The following NRXN2 variants were observed in gnomAD, a reference collection of about 807,000 sequenced individuals.
NRXN2 encodes neurexin-2-beta.
NRXN2 carries 29 observed loss-of-function variants against 128.8 expected under a neutral mutation model. The ratio of observed to expected loss-of-function variants is 0.23; its 90% CI spans 0.17 to 0.31. The LOEUF is 0.31. NRXN2 is among the 10% of genes least tolerant of loss of function. The pLI, the probability that NRXN2 is intolerant of heterozygous loss-of-function variation, is 1.00. For missense variants in NRXN2, 1,881 were observed against 2,452.6 expected (o/e 0.77, Z 4.92); for synonymous variants, 1,098 against 1,075.2 (o/e 1.02, Z -0.41).
At chr11:64,717,027 T>G (rs1253161309) in intron 1 of NRXN2, among the ~76,000 whole-genome samples, 1 of 151,608 alleles carries the variant, frequency 6.6e-6, no homozygotes, top group Non-Finnish European at 1.5e-5. Context: ...CCTGCTACCC[T>G]GGGATGCTCC....
chr11:64,697,697 G>A, intron 3 of NRXN2, 78 bp downstream of exon 3: 6 of 1,545,822 alleles, frequency 3.9e-6, no homozygotes, highest in Non-Finnish European at 5.4e-6. Flanking sequence ...GAGTCCTTGG[G>A]TAGCCAACGA....
chr11:64,713,036 G>C lies in NRXN2; in HGVS notation c.664C>G (p.Leu222Val). The change falls in exon 2 of 23, where the codon CTG becomes GTG. Residue 222 changes from leucine to valine, a missense_variant. Transcript: ENST00000265459. ...PCANGGLCTV[L>V]APGEVGCDCS... ...TCGCAGCCCACCTCGCCGGGGGCCA[G>C]CACGGTGCAGAGGCCGCCGTTGGCG... is the stretch of plus-strand genomic sequence containing the variant. 9.7e-6 allele frequency: 14 copies of C among 1,450,760 alleles called. No homozygotes were observed. The highest frequency in any genetic ancestry group is 1.3e-5 in the Non-Finnish European group (14 of 1,106,382). 89.9% of individuals were successfully genotyped at this position (1,450,760 alleles called of 1,614,324 possible).
chr11:64,622,342 G>C lies in NRXN2; in HGVS notation c.4173+411C>G, dbSNP rs561455026. Among the ~76,000 whole-genome samples, 59 of 152,290 alleles carry C rather than the reference G, an allele frequency of 3.9e-4. 1 individual carries two copies. The highest frequency in any genetic ancestry group is 1.4e-3 in the African/African-American group (58 of 41,560). On this transcript the variant is annotated intron_variant, in intron 21 of 22. Coordinates refer to ENST00000265459, the MANE Select transcript of NRXN2 (RefSeq NM_015080.4). The surrounding 1 kb of genome is among the most constrained non-coding windows in gnomAD (Gnocchi z 4.3). ...CCCTGCCCACAGCAGGGCCAGCCTG[G>C]TACCATCCATCTCCCACTCTCTGCC...
chr11:64,619,899 G>A (rs1192254673), intron 22 of NRXN2, among the ~76,000 whole-genome samples: 1 of 152,130 alleles, frequency 6.6e-6, no homozygotes, highest in East Asian at 1.9e-4. Flanking sequence ...CAGGCCTCAG[G>A]GGCAGGTGGG....
chr11:64,659,543 G>A (rs993854671), intron 11 of NRXN2: 3 of 152,596 alleles, frequency 2.0e-5, no homozygotes, highest in Non-Finnish European at 4.4e-5. Context: ...CTGAGGGGGA[G>A]GGTCAGCAGC....
intron 7 of NRXN2, among the ~76,000 whole-genome samples, chr11:64,672,419 G>T (rs1395814197): frequency 1.3e-5 from 2 of 152,228 alleles, no homozygotes; most frequent in East Asian, 3.8e-4. Context: ...TTTATCAGTT[G>T]CCTGTGATGA....
rs2046996979 is a variant in NRXN2, at chr11:64,648,325, G to T, written c.3297C>A (p.Thr1099=). ...GGTTGGCACAGGACTCTTCAGTGCAGGTGGTGCTGGGGCCTGGAAGGGGCA... is the reference window on the plus strand; with the variant it reads ...GGTTGGCACAGGACTCTTCAGTGCATGTGGTGCTGGGGCCTGGAAGGGGCA... ...VERGCDGPST[T]CTEESCANQG... Residue 1099 remains threonine (T), a synonymous_variant, in exon 17 of 23, where the codon ACC becomes ACA. Coordinates refer to ENST00000265459, the MANE Select transcript of NRXN2 (RefSeq NM_015080.4). The surrounding 1 kb of genome is among the most constrained non-coding windows in gnomAD (Gnocchi z 4.1). The T allele has an allele frequency of 1.2e-6, 2 of 1,614,142 alleles. No homozygotes were observed. Among genetic ancestry groups the T allele is most frequent in the African/African-American group, 2.7e-5 (2 of 74,950 alleles).
intron 22 of NRXN2, among the ~76,000 whole-genome samples, chr11:64,612,739 G>A (rs1459794063): frequency 6.6e-6 from 1 of 152,268 alleles, no homozygotes; most frequent in Non-Finnish European, 1.5e-5. Flanking sequence ...TTGAGGTTGA[G>A]CATATTCAAG....
intron 2 of NRXN2, among the ~76,000 whole-genome samples, chr11:64,710,314 T>C (rs1376305011): frequency 6.6e-6 from 1 of 152,066 alleles, no homozygotes; most frequent in East Asian, 1.9e-4. Context: ...TCACCACAGC[T>C]GACACAAACA....
At chr11:64,688,591 C>T in intron 5 of NRXN2, 1 of 985,378 alleles carries the variant, frequency 1.0e-6, no homozygotes, top group Non-Finnish European at 1.2e-6. Context: ...TCCCCTATCT[C>T]GCCGGTCTGG....
At chr11:64,628,600 A>G (rs1263536560) in intron 19 of NRXN2, among the ~76,000 whole-genome samples, 2 of 152,196 alleles carry the variant, frequency 1.3e-5, no homozygotes, top group Non-Finnish European at 2.9e-5. Context: ...CCAAGGGGAG[A>G]AGCTCTAGAT....
At chr11:64,619,847 G>T (rs747007455) in intron 22 of NRXN2, among the ~76,000 whole-genome samples, 1 of 152,186 alleles carries the variant, frequency 6.6e-6, no homozygotes, top group Non-Finnish European at 1.5e-5. Context: ...GGAGGGCCCA[G>T]GATCCAGCAG....
At chr11:64,709,419 G>A (rs905151620) in intron 2 of NRXN2, among the ~76,000 whole-genome samples, 3 of 151,826 alleles carry the variant, frequency 2.0e-5, no homozygotes, top group East Asian at 1.9e-4. Context: ...GAAAGTACTC[G>A]AAGTATAATG....
Position 64,648,345 on chromosome 11 carries a change from G to C in NRXN2, c.3284-7C>G. On this transcript the variant is annotated splice_region_variant and splice_polypyrimidine_tract_variant and intron_variant, in intron 16 of 22. Transcript: ENST00000265459. This position sits in a 1 kb window ranked among gnomAD's most constrained non-coding sequence, Gnocchi z 4.1. Reference sequence around the variant, plus strand: ...GTGCAGGTGGTGCTGGGGCCTGGAAGGGGCAGGAGAAAGGAACACCCCTGG... The same window carrying C: ...GTGCAGGTGGTGCTGGGGCCTGGAACGGGCAGGAGAAAGGAACACCCCTGG... 6.2e-7 allele frequency: 1 copy of C among 1,614,162 alleles called. No individual in the cohort carries two copies. The highest frequency in any genetic ancestry group is 8.5e-7 in the Non-Finnish European group (1 of 1,180,018).
chr11:64,652,081 C>T lies in NRXN2; in HGVS notation c.2490G>A (p.Arg830=), dbSNP rs373431318. The change falls in exon 13 of 23, where the codon CGG becomes CGA. Residue 830 remains arginine, a synonymous_variant. Transcript: ENST00000265459. Reference sequence around the variant, plus strand: ...CAGACAGCTGCAGGCTCTTGCCACGCCGGACCACCCTCACCGTGTGCCACT... The same window carrying T: ...CAGACAGCTGCAGGCTCTTGCCACGTCGGACCACCCTCACCGTGTGCCACT... ...DNEWHTVRVV[R]RGKSLQLSVD... 3.0e-5 allele frequency: 49 copies of T among 1,613,320 alleles called. No individual in the cohort carries two copies. Among genetic ancestry groups the T allele is most frequent in the Non-Finnish European group, 4.0e-5 (47 of 1,179,990 alleles).
In NRXN2 at chr11:64,667,596, G is replaced by A; in HGVS notation, c.1452C>T (p.Phe484=). 6.2e-7 allele frequency: 1 copy of A among 1,614,220 alleles called. No homozygotes were observed. The highest frequency in any genetic ancestry group is 8.5e-7 in the Non-Finnish European group (1 of 1,180,042). The stretch of plus-strand genomic sequence containing the variant: ...CCAGGGCAGCCACATCCTCACAGCG[G>A]AATGACAAGTCCCCCTGCAGCTTCA... ...PKMKLQGDLS[F]RCEDVAALDP... is the part of the protein sequence containing the mutation. Residue 484 remains phenylalanine, a synonymous_variant, in exon 9 of 23, where the codon TTC becomes TTT. Coordinates refer to ENST00000265459, the MANE Select transcript of NRXN2 (RefSeq NM_015080.4). The surrounding 1 kb of genome is among the most constrained non-coding windows in gnomAD (Gnocchi z 5.6).
At chr11:64,659,880 GGACCA>G (rs2048781006) in intron 11 of NRXN2, among the ~76,000 whole-genome samples, 1 of 152,204 alleles carries the variant, frequency 6.6e-6, no homozygotes, top group African/African-American at 2.4e-5. Flanking sequence ...CTGCGTGCAT[GGACCA>G]GGCCTTCCTC....
At position 64,623,521 on chromosome 11, in the gene NRXN2, G is replaced by A. The variant is rs142789075; in HGVS notation, c.3848-443C>T. 1.5e-3 allele frequency: 347 copies of A among 223,896 alleles called. 1 individual carries two copies. The highest frequency in any genetic ancestry group is 2.6e-3 in the Non-Finnish European group (286 of 110,744). The allele number at this position is 223,896 out of a possible 1,614,324, so 13.9% of individuals were successfully genotyped here. A position where few individuals can be genotyped will look rare whatever the true frequency, so the allele number is the denominator to read the frequency against. ...AAGCCCTGAAGCCATGGAGCCCCTGGAAGAGGCAGATAGAGGAGACAAAGA... is the reference window on the plus strand; with the variant it reads ...AAGCCCTGAAGCCATGGAGCCCCTGAAAGAGGCAGATAGAGGAGACAAAGA... On this transcript the variant is annotated intron_variant, in intron 20 of 22. Transcript: ENST00000265459. The surrounding 1 kb of genome is among the most constrained non-coding windows in gnomAD (Gnocchi z 4.9).
rs769793037 is a variant in NRXN2 at position 64,630,558 on chromosome 11, C to G, written c.3601G>C (p.Gly1201Arg). 1.4e-5 allele frequency: 22 copies of G among 1,613,868 alleles called. No individual in the cohort carries two copies. The highest frequency in any genetic ancestry group is 3.4e-6 in the Non-Finnish European group (4 of 1,180,032). Residue 1201 changes from glycine to arginine, a missense_variant, in exon 19 of 23, where the codon GGG becomes CGG. Coordinates refer to ENST00000265459, the MANE Select transcript of NRXN2 (RefSeq NM_015080.4). This position sits in a 1 kb window ranked among gnomAD's most constrained non-coding sequence, Gnocchi z 4.6. ...TCCGTGCCCACGTTAAAGATCACCC[C>G]CACGGTGCCCTGGTCCTGGGGACAT... ...LQLHIDQGTV[G>R]VIFNVGTDDI...
Sources: allele counts gnomAD v4.1 joint callset (sites outside exome capture counted in the v4.1 genomes callset), GRCh38; gene constraint gnomAD v4.1.1; non-coding constraint Gnocchi (gnomAD v3.1); transcripts MANE v1.5; gene names NCBI Gene and HGNC (gene_info 2026-07-23, HGNC 2026-07-21).